Variants in TM9SF2 observed in about 807,000 individuals in gnomAD.
TM9SF2 encodes 76 kDa membrane protein.
In TM9SF2, 13 loss-of-function variants were observed where a neutral mutation model predicts 84.9. That is an observed-to-expected ratio of 0.15 (90% confidence interval 0.10 to 0.24). The LOEUF (loss-of-function observed/expected upper bound fraction) is 0.24. Among genes scored for constraint, TM9SF2 ranks in the 10% least tolerant of loss-of-function variants. TM9SF2 has a pLI of 1.00. For missense variants in TM9SF2, 562 were observed against 818.5 expected, an observed-to-expected ratio of 0.69 and a Z score of 3.82; for synonymous variants, 273 against 285.8, an observed-to-expected ratio of 0.96 and a Z score of 0.45.
rs139505025 is a variant in TM9SF2, at chr13:99,527,850, G to A, written c.334-1617G>A. On this transcript the variant is annotated intron_variant, in intron 3 of 16. Transcript: ENST00000376387. ...GTATTTAATCCAACAACCCTGCAAG[G>A]CAGTTACTGCGCCCATTTTACACAT... Among the ~76,000 whole-genome samples, 375 of 152,314 alleles carry A rather than the reference G, an allele frequency of 2.5e-3. 3 individuals carry two copies. The highest frequency in any genetic ancestry group is 8.6e-3 in the African/African-American group (358 of 41,576).
chr13:99,524,460 G>T (rs2046173565), intron 3 of TM9SF2, among the ~76,000 whole-genome samples: 1 of 152,080 alleles, frequency 6.6e-6, no homozygotes, highest in Non-Finnish European at 1.5e-5. Context: ...GTTAGTTTTG[G>T]ATGTGGTAAG....
chr13:99,529,383 C>T (rs772972225), intron 3 of TM9SF2, 84 bp from the exon 4 acceptor site: 1 of 1,265,720 alleles, frequency 7.9e-7, no homozygotes, highest in Non-Finnish European at 1.0e-6. Flanking sequence ...TTAATGGGAC[C>T]AGCACTTTTA....
At chr13:99,520,544 C>T in intron 3 of TM9SF2, among the ~76,000 whole-genome samples, 1 of 152,100 alleles carries the variant, frequency 6.6e-6, no homozygotes, top group South Asian at 2.1e-4. Context: ...TGCCTGGGCT[C>T]CCGCACTGGG....
rs115519534 is a variant in TM9SF2 at position 99,560,347 on chromosome 13, G to A, written c.1924+813G>A. Among the ~76,000 whole-genome samples the A allele has an allele frequency of 1.0e-2, 1,521 of 152,218 alleles. 29 individuals carry two copies. The highest frequency in any genetic ancestry group is 0.034 in the African/African-American group (1,412 of 41,512). On this transcript the variant is annotated intron_variant, in intron 16 of 16. Transcript: ENST00000376387. ...CAGAGCCTGGAGTCGGGTTTTGAAG[G>A]GCCTCTGCTGCTGTCTCAGGCTTAA... is the stretch of plus-strand genomic sequence containing the variant.
chr13:99,541,672 G>C lies in TM9SF2; in HGVS notation c.1017+5G>C, dbSNP rs1485632792. The stretch of plus-strand genomic sequence containing the variant: ...TATAATCAGATGGACTCTACGGTAA[G>C]TGGAAACATTTTAGTCTTTAGTCTG... On this transcript the variant is annotated splice_donor_5th_base_variant and intron_variant, in intron 9 of 16. Transcript: ENST00000376387. The C allele has an allele frequency of 6.3e-7, 1 of 1,588,636 alleles. No individual in the cohort carries two copies. Among genetic ancestry groups the C allele is most frequent in the Non-Finnish European group, 8.6e-7 (1 of 1,161,412 alleles).
Position 99,552,284 on chromosome 13 carries a change from G to A in TM9SF2, c.1446G>A (p.Val482=). ...TGGCCCTTTGGTTCTGCATATCTGT[G>A]CCTCTGACGTTTATTGGTGCATACT... The part of the protein sequence containing the change: ...AILALWFCIS[V]PLTFIGAYFG... The change falls in exon 13 of 17, where the codon GTG becomes GTA. Residue 482 remains valine, a synonymous_variant. Coordinates refer to ENST00000376387, the MANE Select transcript of TM9SF2 (RefSeq NM_004800.3). 6.2e-7 allele frequency: 1 copy of A among 1,614,026 alleles called. No individual in the cohort carries two copies. The highest frequency in any genetic ancestry group is 8.5e-7 in the Non-Finnish European group (1 of 1,179,970).
intron 3 of TM9SF2, among the ~76,000 whole-genome samples, chr13:99,524,619 T>C (rs1161248162): frequency 1.3e-5 from 2 of 151,738 alleles, no homozygotes; most frequent in African/African-American, 2.4e-5. Context: ...AGCCACAGAA[T>C]TGAAGAGATC....
chr13:99,515,305 G>A (rs1429558273), intron 1 of TM9SF2, among the ~76,000 whole-genome samples: 10 of 152,216 alleles, frequency 6.6e-5, no homozygotes. Context: ...TCATAGCAGT[G>A]TTGACCCTTT....
chr13:99,513,936 A>G (rs2046123826), intron 1 of TM9SF2, among the ~76,000 whole-genome samples: 1 of 152,198 alleles, frequency 6.6e-6, no homozygotes, highest in Non-Finnish European at 1.5e-5. Flanking sequence ...CTGGCCCTTT[A>G]CAGGAAAAGT....
In TM9SF2 at chr13:99,555,056, T is replaced by C. The variant is rs558612893; in HGVS notation, c.1641-480T>C. ...ATATCATGATTGTTATTGGATCACATTGACGTATGTTACAGGAAGTACCAA... is the reference window on the plus strand; with the variant it reads ...ATATCATGATTGTTATTGGATCACACTGACGTATGTTACAGGAAGTACCAA... On this transcript the variant is annotated intron_variant, in intron 14 of 16. Coordinates refer to ENST00000376387, the MANE Select transcript of TM9SF2 (RefSeq NM_004800.3). 2.0e-5 allele frequency among the ~76,000 whole-genome samples: 3 copies of C among 152,348 alleles called. No homozygotes were observed. In the South Asian group the frequency reaches 6.2e-4, roughly 32 times the overall value.
intron 4 of TM9SF2, among the ~76,000 whole-genome samples, chr13:99,532,082 C>T (rs1310012779): frequency 2.0e-5 from 3 of 150,132 alleles, no homozygotes; most frequent in Non-Finnish European, 3.0e-5. Context: ...GACGGAATCT[C>T]GTTCTGTCAC....
intron 13 of TM9SF2, among the ~76,000 whole-genome samples, chr13:99,553,452 C>G (rs760907994): frequency 1.3e-5 from 2 of 152,140 alleles, no homozygotes; most frequent in Non-Finnish European, 2.9e-5. Flanking sequence ...ACTTGAAATT[C>G]CAAAACTTTG....
At chr13:99,521,122 G>C (rs758166507) in intron 3 of TM9SF2, among the ~76,000 whole-genome samples, 1 of 151,904 alleles carries the variant, frequency 6.6e-6, no homozygotes, top group Non-Finnish European at 1.5e-5. Flanking sequence ...CATTAAAGTA[G>C]TTTATTATAA....
At position 99,533,129 on chromosome 13, in the gene TM9SF2, A is replaced by G. The variant is rs144536704; in HGVS notation, c.462-3479A>G. The stretch of plus-strand genomic sequence containing the variant: ...CCATGTACCCATGGGAATTTACAGT[A>G]TTCTGTTAGGGAGTTTGTGAATATA... On this transcript the variant is annotated intron_variant, in intron 4 of 16. Transcript: ENST00000376387. Among the ~76,000 whole-genome samples, 602 of 152,350 alleles carry G rather than the reference A, an allele frequency of 4.0e-3. 3 individuals are homozygous for G. The highest frequency in any genetic ancestry group is 6.8e-3 in the Middle Eastern group (2 of 294).
chr13:99,524,763 A>G (rs556876994), intron 3 of TM9SF2, among the ~76,000 whole-genome samples: 88 of 152,002 alleles, frequency 5.8e-4, no homozygotes, highest in Non-Finnish European at 1.1e-3. Context: ...GGGTTTTACC[A>G]TGTTGGTCAG....
At chr13:99,536,459 G>A in intron 4 of TM9SF2, 149 bp from the exon 5 acceptor site, 2 of 935,406 alleles carry the variant, frequency 2.1e-6, no homozygotes, top group South Asian at 1.7e-5. Context: ...TTATGAAATA[G>A]CACATTTCAT....
At chr13:99,522,063 C>T (rs745433384) in intron 3 of TM9SF2, among the ~76,000 whole-genome samples, 5 of 152,090 alleles carry the variant, frequency 3.3e-5, no homozygotes, top group Non-Finnish European at 5.9e-5. Context: ...CTCTATTGCT[C>T]AGGCTGGAGT....
At chr13:99,505,583 C>T (rs1338113372) in intron 1 of TM9SF2, among the ~76,000 whole-genome samples, 1 of 152,106 alleles carries the variant, frequency 6.6e-6, no homozygotes, top group Non-Finnish European at 1.5e-5. Flanking sequence ...TATGGTATTC[C>T]TTTCCTGTAG....
chr13:99,551,597 G>A (rs965476599), intron 12 of TM9SF2, among the ~76,000 whole-genome samples: 1 of 152,212 alleles, frequency 6.6e-6, no homozygotes, highest in Non-Finnish European at 1.5e-5. Flanking sequence ...GGGAAGTACA[G>A]TGATTATTGT....
Sources: allele counts gnomAD v4.1 joint callset (sites outside exome capture counted in the v4.1 genomes callset), GRCh38; gene constraint gnomAD v4.1.1; transcripts MANE v1.5; gene names NCBI Gene and HGNC (gene_info 2026-07-23, HGNC 2026-07-21).